The following PDE8B variants were observed in gnomAD, a reference collection of about 807,000 sequenced individuals.
The protein encoded by PDE8B is phosphodiesterase 8B, also known as high affinity cAMP-specific and IBMX-insensitive 3',5'-cyclic phosphodiesterase 8B.
A neutral mutation model predicts 101.3 loss-of-function variants in PDE8B; 26 were observed. That is an observed-to-expected ratio of 0.26 (90% CI 0.19 to 0.36). PDE8B has a LOEUF of 0.36. PDE8B is among the 10% of genes least tolerant of loss of function. The pLI is 1.00. For synonymous variants in PDE8B, 424 were observed against 429.3 expected (o/e 0.99, Z 0.15); for missense variants, 810 against 1,163.1 (o/e 0.70, Z 4.42).
At chr5:77,116,222 ATATTTT>A in the PDE8B span, among the ~76,000 whole-genome samples, 775 of 92,504 alleles carry the variant, frequency 8.4e-3, 3 homozygotes, top group East Asian at 0.026. Context: ...ATATATATAT[ATATTTT>A]TTTTTTTTTT....
chr5:77,204,359 C>T, the PDE8B span, among the ~76,000 whole-genome samples: 12 of 149,480 alleles, frequency 8.0e-5, no homozygotes, highest in South Asian at 2.1e-4. Context: ...TGCAGTGAGC[C>T]GAGATCGCAC....
chr5:77,165,030 T>G, the PDE8B span, among the ~76,000 whole-genome samples: 1 of 152,128 alleles, frequency 6.6e-6, no homozygotes, highest in African/African-American at 2.4e-5. Context: ...AAGCCCTGAT[T>G]TACAGTGTTA....
the PDE8B span, among the ~76,000 whole-genome samples, chr5:77,093,142 G>T: frequency 6.6e-6 from 1 of 152,164 alleles, no homozygotes; most frequent in Non-Finnish European, 1.5e-5. Context: ...TTTTGAAAGA[G>T]TTTGTGAAGA....
At chr5:77,426,422 T>C (rs764355377) in intron 21 of PDE8B, 23 bp from the exon 22 acceptor site, 13 of 1,526,686 alleles carry the variant, frequency 8.5e-6, no homozygotes, top group South Asian at 1.1e-5. Context: ...CCGGTTTCTT[T>C]TGATTCTTTT....
intron 10 of PDE8B, among the ~76,000 whole-genome samples, chr5:77,357,972 T>C (rs1382621772): frequency 1.3e-5 from 2 of 152,176 alleles, no homozygotes; most frequent in African/African-American, 4.8e-5. Flanking sequence ...AGGCCAGCCT[T>C]CTCTTGGGTG....
intron 10 of PDE8B, among the ~76,000 whole-genome samples, chr5:77,365,844 G>T (rs937461533): frequency 6.6e-6 from 1 of 152,170 alleles, no homozygotes; most frequent in Admixed American, 6.5e-5. Flanking sequence ...CATGAAGCCT[G>T]GTGCACAGGA....
At chr5:77,258,462 C>A (rs1759670628) in intron 1 of PDE8B, among the ~76,000 whole-genome samples, 1 of 151,910 alleles carries the variant, frequency 6.6e-6, no homozygotes, top group African/African-American at 2.4e-5. Context: ...AACATGTTTG[C>A]TTCATACTGT....
chr5:77,087,025 A>T, the PDE8B span: 2 of 152,246 alleles, frequency 1.3e-5, no homozygotes, highest in Non-Finnish European at 2.9e-5. Flanking sequence ...GGAGGCCGGC[A>T]GGGGCGTCCG....
chr5:77,180,866 C>T, the PDE8B span, among the ~76,000 whole-genome samples: 1 of 152,202 alleles, frequency 6.6e-6, no homozygotes, highest in Non-Finnish European at 1.5e-5. Flanking sequence ...CGGCGCGGGA[C>T]GGTGGGGCCC....
At chr5:77,093,574 C>T in the PDE8B span, among the ~76,000 whole-genome samples, 2 of 152,224 alleles carry the variant, frequency 1.3e-5, no homozygotes, top group African/African-American at 4.8e-5. Context: ...CAGTGAGAAT[C>T]GTGTGAGCTG....
chr5:77,268,181 C>CATGTTCCTCTT (rs1294478608), intron 1 of PDE8B, among the ~76,000 whole-genome samples: 1 of 152,102 alleles, frequency 6.6e-6, no homozygotes, highest in East Asian at 1.9e-4. Context: ...CATTTCCTCC[C>CATGTTCCTCTT]ATGTTCCTCT....
chr5:77,233,654 CTGTGTGTGTG>C (rs72346580), intron 1 of PDE8B, among the ~76,000 whole-genome samples: 34 of 138,240 alleles, frequency 2.5e-4, no homozygotes, highest in East Asian at 6.8e-4. Flanking sequence ...CCCTGAAGCT[CTGTGTGTGTG>C]TGTGTGTGTG....
intron 1 of PDE8B, among the ~76,000 whole-genome samples, chr5:77,276,721 A>C (rs1246705764): frequency 6.6e-6 from 1 of 152,186 alleles, no homozygotes; most frequent in Admixed American, 6.5e-5. Flanking sequence ...CATTTACTTA[A>C]AAGTAAATAT....
chr5:77,178,708 C>G, the PDE8B span, among the ~76,000 whole-genome samples: 2 of 152,158 alleles, frequency 1.3e-5, no homozygotes, highest in South Asian at 4.1e-4. Flanking sequence ...ACTAGATCCT[C>G]TGTTTTAAGA....
At chr5:77,425,132 G>T (rs1797743867) in intron 20 of PDE8B, among the ~76,000 whole-genome samples, 3 of 152,212 alleles carry the variant, frequency 2.0e-5, no homozygotes, top group Admixed American at 6.5e-5. Flanking sequence ...GTAAATGTCA[G>T]TAGTTTTGGT....
At chr5:77,390,423 G>A (rs1205840259) in intron 10 of PDE8B, among the ~76,000 whole-genome samples, 1 of 152,222 alleles carries the variant, frequency 6.6e-6, no homozygotes, top group Non-Finnish European at 1.5e-5. Flanking sequence ...AAGGAGAGCA[G>A]TATTCACATT....
At chr5:77,377,538 G>A (rs1786381001) in intron 10 of PDE8B, among the ~76,000 whole-genome samples, 1 of 152,198 alleles carries the variant, frequency 6.6e-6, no homozygotes, top group South Asian at 2.1e-4. Flanking sequence ...ATCCTAAAAA[G>A]TAGATGTGAT....
chr5:77,198,296 C>T, the PDE8B span, among the ~76,000 whole-genome samples: 3 of 152,134 alleles, frequency 2.0e-5, no homozygotes, highest in African/African-American at 7.2e-5. Flanking sequence ...GCTCCTAGTT[C>T]TGTGTGAGCT....
chr5:77,191,600 G>A, the PDE8B span, among the ~76,000 whole-genome samples: 12 of 151,998 alleles, frequency 7.9e-5, no homozygotes, highest in Admixed American at 2.6e-4. Flanking sequence ...TGATCCACCC[G>A]TCTCGGCCTC....
Sources: gnomAD v4.1 joint callset for allele counts (sites outside exome capture counted in the v4.1 genomes callset) on GRCh38, gnomAD v4.1.1 for gene constraint, MANE v1.5 for transcripts, NCBI Gene and HGNC (gene_info 2026-07-23, HGNC 2026-07-21) for gene names.